SMPD3: variants seen among roughly 807,000 people sequenced by gnomAD.
The protein encoded by SMPD3 is sphingomyelin phosphodiesterase 3.
A neutral mutation model predicts 55.7 loss-of-function variants in SMPD3; 21 were observed. The ratio of observed to expected loss-of-function variants is 0.38; its 90% CI spans 0.27 to 0.54. The LOEUF (loss-of-function observed/expected upper bound fraction) is 0.54. Among genes scored for constraint, SMPD3 ranks in the 20% least tolerant of loss-of-function variants. The probability of loss-of-function intolerance (pLI) is 0.80; values close to 1 mark genes in which losing one functional copy is unlikely to be tolerated. For synonymous variants in SMPD3, 457 were observed against 404.3 expected (o/e 1.13, Z -1.56); for missense variants, 842 against 899.6 (o/e 0.94, Z 0.82).
At chr16:68,411,989 GGCCAGCAT>G (rs1332384101) in intron 1 of SMPD3, among the ~76,000 whole-genome samples, 2 of 152,144 alleles carry the variant, frequency 1.3e-5, no homozygotes, top group African/African-American at 4.8e-5. Context: ...GTGGCTGGGA[GGCCAGCAT>G]GCCTGGAACA....
chr16:68,441,163 T>C (rs1211016349), intron 1 of SMPD3, among the ~76,000 whole-genome samples: 1 of 152,186 alleles, frequency 6.6e-6, no homozygotes, highest in Non-Finnish European at 1.5e-5. Context: ...AAGTGAACAC[T>C]CACTCTGGAC....
intron 1 of SMPD3, among the ~76,000 whole-genome samples, chr16:68,425,004 G>A (rs1032857556): frequency 2.0e-5 from 3 of 152,184 alleles, no homozygotes; most frequent in South Asian, 2.1e-4. Flanking sequence ...AAGCCACTGC[G>A]CCTGGCTATA....
intron 1 of SMPD3, among the ~76,000 whole-genome samples, chr16:68,427,247 C>T (rs1376736428): frequency 1.3e-5 from 2 of 152,164 alleles, no homozygotes; most frequent in Non-Finnish European, 2.9e-5. Context: ...ATGTGACCCA[C>T]CTGCCTCAGC....
chr16:68,391,569 A>C (rs897256041), intron 1 of SMPD3, among the ~76,000 whole-genome samples: 2 of 152,164 alleles, frequency 1.3e-5, no homozygotes, highest in African/African-American at 4.8e-5. Flanking sequence ...AACTCTTTGT[A>C]GGTATTCAGT....
rs1204175299 is a variant in SMPD3 at position 68,448,357 on chromosome 16, G to C, written c.-273C>G. 6.6e-6 allele frequency: 1 copy of C among 152,210 alleles called. No homozygotes were observed. The highest frequency in any genetic ancestry group is 1.5e-5 in the Non-Finnish European group (1 of 68,056). The allele number at this position is 152,210 out of a possible 1,614,324, so 9.4% of individuals were successfully genotyped here. A position where few individuals can be genotyped will look rare whatever the true frequency, so the allele number is the denominator to read the frequency against. On this transcript the variant is annotated 5_prime_UTR_variant, in exon 1 of 9. Coordinates refer to ENST00000219334, the MANE Select transcript of SMPD3 (RefSeq NM_018667.4). ...AGCGAATTCAGCAGCACTGACCTCT[G>C]ACGGCGGGCGGGAGGGCGGTCAGCG...
At chr16:68,379,878 C>T (rs565676740) in intron 2 of SMPD3, among the ~76,000 whole-genome samples, 46 of 152,342 alleles carry the variant, frequency 3.0e-4, no homozygotes, top group African/African-American at 8.7e-4. Context: ...GAAGCCAACT[C>T]GGGCGTGACT....
At chr16:68,440,782 C>T (rs904287017) in intron 1 of SMPD3, among the ~76,000 whole-genome samples, 7 of 152,178 alleles carry the variant, frequency 4.6e-5, no homozygotes, top group Admixed American at 2.0e-4. Flanking sequence ...TCTCCCAGAG[C>T]ACAAGGTTGT....
chr16:68,439,556 A>G (rs1226971642), intron 1 of SMPD3, among the ~76,000 whole-genome samples: 1 of 152,168 alleles, frequency 6.6e-6, no homozygotes, highest in Non-Finnish European at 1.5e-5. Flanking sequence ...ACCTCAATTC[A>G]CCCGCTATGC....
At position 68,358,419 on chromosome 16, in the gene SMPD3, T is replaced by TCAGG. The variant is rs1190862005; in HGVS notation, c.*2783_*2786dup. The TCAGG allele has an allele frequency of 6.5e-6, 1 of 152,716 alleles. No individual in the cohort carries two copies. The highest frequency in any genetic ancestry group is 1.5e-5 in the Non-Finnish European group (1 of 68,040). 9.5% of individuals were successfully genotyped at this position (152,716 alleles called of 1,614,324 possible). ...ACACCTCTCTTCGCAAAATATTTTA[T>TCAGG]CAGGTGTAAAGACTTGTTTTTCTTC... On this transcript the variant is annotated 3_prime_UTR_variant, in exon 9 of 9. Transcript: ENST00000219334.
In SMPD3 at chr16:68,400,093, C is replaced by T. The variant is rs556446557; in HGVS notation, c.-268-13434G>A. Among the ~76,000 whole-genome samples, 23 of 152,340 alleles carry T rather than the reference C, an allele frequency of 1.5e-4. No individual in the cohort carries two copies. The East Asian group carries it at 4.4e-3, about 29-fold the overall frequency. On this transcript the variant is annotated intron_variant, in intron 1 of 8. Coordinates refer to ENST00000219334, the MANE Select transcript of SMPD3 (RefSeq NM_018667.4). ...ACAGTGGAGGAGCTGGGATTTGAACCCAGGTCTGTCTGACTCTAAAACCAG... is the reference window on the plus strand; with the variant it reads ...ACAGTGGAGGAGCTGGGATTTGAACTCAGGTCTGTCTGACTCTAAAACCAG...
At position 68,365,020 on chromosome 16, in the gene SMPD3, G is replaced by T. The variant is rs2089434819; in HGVS notation, c.1396C>A (p.Gln466Lys). Residue 466 changes from glutamine (Q) to lysine (K), a missense_variant, in exon 4 of 9, where the codon CAA (glutamine) becomes AAA (lysine). Transcript: ENST00000219334. The stretch of plus-strand genomic sequence containing the variant: ...CACAGGTGGGCGGCAACCCTACCTT[G>T]CGGGGCATGCAGGTGTGTGCAGGCG... Reference protein sequence around the residue: ...YIACTHLHAPQEDSAIRCGQL... With the variant: ...YIACTHLHAPKEDSAIRCGQL... 6.2e-7 allele frequency: 1 copy of T among 1,613,986 alleles called. No individual in the cohort carries two copies. The highest frequency in any genetic ancestry group is 8.5e-7 in the Non-Finnish European group (1 of 1,180,012).
chr16:68,447,005 G>T lies in SMPD3; in HGVS notation c.-269+1348C>A, dbSNP rs1179391374. ...TTTCCATCCCGGCTCGCGCGGGCCC[G>T]CTAGAAGCCGGTGCGCTTTGTCTCC... is the stretch of plus-strand genomic sequence containing the variant. On this transcript the variant is annotated intron_variant, in intron 1 of 8. Coordinates refer to ENST00000219334, the MANE Select transcript of SMPD3 (RefSeq NM_018667.4). The surrounding 1 kb of genome is among the most constrained non-coding windows in gnomAD (Gnocchi z 5.1). Among the ~76,000 whole-genome samples, 3 of 152,152 alleles carry T rather than the reference G, an allele frequency of 2.0e-5. No homozygotes were observed. Among genetic ancestry groups the T allele is most frequent in the Non-Finnish European group, 4.4e-5 (3 of 68,010 alleles).
Position 68,372,026 on chromosome 16 carries a change from C to A in SMPD3, c.156G>T (p.Pro52=), listed in dbSNP as rs753787676. 1 of 1,611,014 alleles carries A rather than the reference C, an allele frequency of 6.2e-7. No individual in the cohort carries two copies. The highest frequency in any genetic ancestry group is 8.5e-7 in the Non-Finnish European group (1 of 1,179,012). Residue 52 remains proline, a synonymous_variant, in exon 3 of 9, where the codon CCG becomes CCT. Transcript: ENST00000219334. ...CAGTGCAGAGCAGCTGCAGGCAGCA[C>A]GGGTCGTCTGCCCGCTGGCGCTTCT... ...TYEKRQRADD[P]CCLQLLCTAL... is the part of the protein sequence containing the mutation.
At chr16:68,434,733 C>T (rs1171675949) in intron 1 of SMPD3, among the ~76,000 whole-genome samples, 3 of 152,176 alleles carry the variant, frequency 2.0e-5, no homozygotes, top group Non-Finnish European at 4.4e-5. Context: ...AGGGAGACAT[C>T]TTGTTTCTCA....
At chr16:68,398,223 G>C (rs562936449) in intron 1 of SMPD3, among the ~76,000 whole-genome samples, 2 of 152,308 alleles carry the variant, frequency 1.3e-5, no homozygotes, top group Admixed American at 6.5e-5. Flanking sequence ...GGTGAGGAAA[G>C]AAGAGCCAAA....
chr16:68,409,656 C>T lies in SMPD3; in HGVS notation c.-268-22997G>A, dbSNP rs1449290859. 2.0e-5 allele frequency among the ~76,000 whole-genome samples: 3 copies of T among 152,110 alleles called. No individual in the cohort carries two copies. In the East Asian group the frequency reaches 5.8e-4, roughly 29 times the overall value. ...TTCCCCAGGCTGGAGTGCAGTGGCGCGATCTCGGCTCTCTACAAGCTCCGC... is the reference window on the plus strand; with the variant it reads ...TTCCCCAGGCTGGAGTGCAGTGGCGTGATCTCGGCTCTCTACAAGCTCCGC... On this transcript the variant is annotated intron_variant, in intron 1 of 8. Coordinates refer to ENST00000219334, the MANE Select transcript of SMPD3 (RefSeq NM_018667.4).
intron 1 of SMPD3, among the ~76,000 whole-genome samples, chr16:68,393,036 A>G (rs1184407323): frequency 2.6e-5 from 4 of 152,126 alleles, no homozygotes; most frequent in African/African-American, 4.8e-5. Flanking sequence ...CACCCAGTCT[A>G]TGGTATTTTG....
intron 1 of SMPD3, among the ~76,000 whole-genome samples, chr16:68,395,033 C>T (rs894128526): frequency 2.0e-5 from 3 of 151,832 alleles, no homozygotes; most frequent in Non-Finnish European, 4.4e-5. Context: ...CTTGGCTAGC[C>T]CCCCTGGGTG....
intron 2 of SMPD3, among the ~76,000 whole-genome samples, chr16:68,385,138 A>AC (rs1360283964): frequency 6.6e-6 from 1 of 152,100 alleles, no homozygotes; most frequent in Non-Finnish European, 1.5e-5. Flanking sequence ...CTGCACAACT[A>AC]CCCCAAATGG....
Sources: gnomAD v4.1 joint callset for allele counts (sites outside exome capture counted in the v4.1 genomes callset) on GRCh38, gnomAD v4.1.1 for gene constraint, Gnocchi (gnomAD v3.1) non-coding constraint, MANE v1.5 for transcripts, NCBI Gene and HGNC (gene_info 2026-07-23, HGNC 2026-07-21) for gene names.